The following OTOGL variants were observed in gnomAD, a reference collection of about 807,000 sequenced individuals.
OTOGL encodes otogelin-like protein.
A neutral mutation model predicts 318.5 loss-of-function variants in OTOGL; 285 were observed. That is an observed-to-expected ratio of 0.89 (90% CI 0.81 to 0.99). The LOEUF (loss-of-function observed/expected upper bound fraction) is 0.99. OTOGL is among the 50% of genes least tolerant of loss of function. OTOGL has a pLI of 0.00. For missense variants in OTOGL, 2,899 were observed against 2,845.6 expected (o/e 1.02, Z -0.43); for synonymous variants, 987 against 936.5 (o/e 1.05, Z -0.99).
chr12:80,336,616 A>C, intron 40 of OTOGL, 61 bp downstream of exon 40: 1 of 1,519,520 alleles, frequency 6.6e-7, no homozygotes, highest in South Asian at 1.2e-5. Context: ...TGTCTATTGC[A>C]ACATCAGGGA....
At chr12:80,176,676 G>T (rs1163683161) in intron 1 of OTOGL, among the ~76,000 whole-genome samples, 1 of 151,936 alleles carries the variant, frequency 6.6e-6, no homozygotes, top group African/African-American at 2.4e-5. Flanking sequence ...TCAGTTTCTG[G>T]CTATTACAGT....
At chr12:80,308,504 C>T (rs1287105510) in intron 29 of OTOGL, among the ~76,000 whole-genome samples, 16 of 151,892 alleles carry the variant, frequency 1.1e-4, no homozygotes, top group Middle Eastern at 6.8e-3. Flanking sequence ...GGCAGAGGGG[C>T]TCCTCACATC....
chr12:80,335,836 C>A lies in OTOGL; in HGVS notation c.4423-127C>A, dbSNP rs897978951. 6 of 784,788 alleles carry A rather than the reference C, an allele frequency of 7.6e-6. No individual in the cohort carries two copies. In the Admixed American group the frequency reaches 1.5e-4, roughly 20 times the overall value. 48.6% of individuals were successfully genotyped at this position (784,788 alleles called of 1,614,324 possible). ...AAAAAGTTGCAGCATAATTTTAATT[C>A]TTTATCTTTCAAAAGTTTTTGTATT... On this transcript the variant is annotated intron_variant, in intron 38 of 58. Transcript: ENST00000547103.
intron 39 of OTOGL, 34 bp from the exon 40 acceptor site, chr12:80,336,379 A>C (rs751378090): frequency 2.5e-5 from 38 of 1,549,944 alleles, no homozygotes; most frequent in Non-Finnish European, 3.2e-5. Flanking sequence ...GCAGATAGTT[A>C]ATAGACTAAA....
chr12:80,112,899 T>A (rs1869938113), intron 1 of OTOGL, among the ~76,000 whole-genome samples: 1 of 152,102 alleles, frequency 6.6e-6, no homozygotes, highest in Non-Finnish European at 1.5e-5. Context: ...CTTTTTTTGG[T>A]TGGTAGGCTA....
chr12:80,355,224 C>CTTTTTTTTTTTTTTTTTTT lies in OTOGL; in HGVS notation c.5594-508_5594-507insTTTTTTTTTTTTTTTTTTT, dbSNP rs11343611. 1.4e-4 allele frequency among the ~76,000 whole-genome samples: 9 copies of CTTTTTTTTTTTTTTTTTTT among 65,592 alleles called. 1 individual carries two copies. Among genetic ancestry groups the CTTTTTTTTTTTTTTTTTTT allele is most frequent in the African/African-American group, 1.8e-4 (3 of 16,554 alleles). The allele number at this position is 65,592 out of a possible 152,430, so 43.0% of individuals were successfully genotyped here. On this transcript the variant is annotated intron_variant, in intron 46 of 58. Transcript: ENST00000547103. ...ACTTTTTTCTTTTCTTTCTTTCTTT[C>CTTTTTTTTTTTTTTTTTTT]TTTTCTTTTTTTTTTTTTTTTTTTG...
chr12:80,196,002 G>C (rs1876039623), intron 1 of OTOGL, among the ~76,000 whole-genome samples: 1 of 152,166 alleles, frequency 6.6e-6, no homozygotes. Context: ...GTCTTGTCCA[G>C]CCCAGCTGGT....
At chr12:80,145,308 T>C (rs1410084559) in intron 1 of OTOGL, among the ~76,000 whole-genome samples, 1 of 152,132 alleles carries the variant, frequency 6.6e-6, no homozygotes, top group Non-Finnish European at 1.5e-5. Flanking sequence ...ATTTATTAAA[T>C]AGGGAATCCT....
At chr12:80,278,445 A>G (rs755957732) in intron 25 of OTOGL, among the ~76,000 whole-genome samples, 170 bp downstream of exon 25, 2 of 151,500 alleles carry the variant, frequency 1.3e-5, no homozygotes, top group Non-Finnish European at 3.0e-5. Context: ...AGGGGACTAT[A>G]TCATTATTTT....
In OTOGL at chr12:80,355,872, G is replaced by A. The variant is rs762557747; in HGVS notation, c.5730G>A (p.Thr1910=). 12 of 1,613,770 alleles carry A rather than the reference G, an allele frequency of 7.4e-6. No homozygotes were observed. The highest frequency in any genetic ancestry group is 2.2e-5 in the South Asian group (2 of 91,092). Residue 1910 remains threonine (T), a synonymous_variant, in exon 47 of 59, where the codon ACG becomes ACA. Transcript: ENST00000547103. ...AACCTGACTGTGATGAAGAGCCCACGCCAGTTTGTGAACGAGAAGCTGAAG... is the reference window on the plus strand; with the variant it reads ...AACCTGACTGTGATGAAGAGCCCACACCAGTTTGTGAACGAGAAGCTGAAG... The part of the protein sequence containing the change: ...PIEPDCDEEP[T]PVCEREAEVV...
intron 19 of OTOGL, among the ~76,000 whole-genome samples, chr12:80,263,788 AT>A (rs1209429003): frequency 6.6e-6 from 1 of 151,854 alleles, no homozygotes; most frequent in South Asian, 2.1e-4. Flanking sequence ...ATTCTAAAGG[AT>A]TTTTTTTCAT....
intron 11 of OTOGL, among the ~76,000 whole-genome samples, chr12:80,249,461 C>T (rs1592605496): frequency 6.6e-6 from 1 of 151,444 alleles, no homozygotes; most frequent in East Asian, 1.9e-4. Flanking sequence ...GGGGGTGCCT[C>T]CCAGTTAGGC....
chr12:80,244,698 G>T (rs1176035458), intron 11 of OTOGL, among the ~76,000 whole-genome samples: 1 of 148,926 alleles, frequency 6.7e-6, no homozygotes, highest in East Asian at 1.9e-4. Flanking sequence ...GGGATGGCTG[G>T]GTCCAATGGT....
intron 34 of OTOGL, 130 bp downstream of exon 34, chr12:80,320,830 G>A (rs1887286598): frequency 1.1e-6 from 1 of 922,982 alleles, no homozygotes; most frequent in Non-Finnish European, 1.6e-6. Context: ...TTAAGTAAGT[G>A]TCTTAACCTC....
chr12:80,186,679 C>A (rs1875315495), intron 1 of OTOGL, among the ~76,000 whole-genome samples: 1 of 152,062 alleles, frequency 6.6e-6, no homozygotes, highest in Admixed American at 6.6e-5. Context: ...ACTGCTCTCC[C>A]CAACTCTTCT....
At chr12:80,341,354 T>A (rs1307601198) in intron 43 of OTOGL, among the ~76,000 whole-genome samples, 1 of 152,164 alleles carries the variant, frequency 6.6e-6, no homozygotes, top group Non-Finnish European at 1.5e-5. Flanking sequence ...TAAATTCATG[T>A]GCCTAGGTGA....
chr12:80,338,654 G>A (rs1248915434), intron 42 of OTOGL, among the ~76,000 whole-genome samples: 1 of 152,068 alleles, frequency 6.6e-6, no homozygotes, highest in Admixed American at 6.6e-5. Flanking sequence ...ACAGATGATT[G>A]TTATGAACAT....
In OTOGL at chr12:80,264,992, C is replaced by G; in HGVS notation, c.2015-9C>G. The G allele has an allele frequency of 6.2e-7, 1 of 1,613,406 alleles. No individual in the cohort carries two copies. Among genetic ancestry groups the G allele is most frequent in the Non-Finnish European group, 8.5e-7 (1 of 1,179,494 alleles). On this transcript the variant is annotated splice_polypyrimidine_tract_variant and intron_variant, in intron 19 of 58. Coordinates refer to ENST00000547103, the MANE Select transcript of OTOGL (RefSeq NM_001378609.3). ...TGTTAAATAAGATGCTAATTGGGCT[C>G]TTTGTTAGTTGGGTATGCAGCACAC...
At chr12:80,265,594 C>T (rs1210793087) in intron 20 of OTOGL, 12 of 204,542 alleles carry the variant, frequency 5.9e-5, no homozygotes, top group Admixed American at 1.1e-4. Context: ...ATGCAACAGG[C>T]AATTATTATC....
Sources: allele counts gnomAD v4.1 joint callset (sites outside exome capture counted in the v4.1 genomes callset), GRCh38; gene constraint gnomAD v4.1.1; transcripts MANE v1.5; gene names NCBI Gene and HGNC (gene_info 2026-07-23, HGNC 2026-07-21).